Variants in ACBD6 observed in about 807,000 individuals in gnomAD.
The protein encoded by ACBD6 is acyl-CoA-binding domain-containing protein 6.
ACBD6 carries 28 observed loss-of-function variants against 37.2 expected under a neutral mutation model. The observed-to-expected ratio is 0.75, with a 90% CI of 0.56 to 1.03. The LOEUF (loss-of-function observed/expected upper bound fraction) is 1.03, where lower values mean the gene tolerates loss of function less well. Among genes scored for constraint, ACBD6 ranks in the 50% least tolerant of loss-of-function variants. The pLI is 0.00. For missense variants in ACBD6, 340 were observed against 337.4 expected, an observed-to-expected ratio of 1.01 and a Z score of -0.06; for synonymous variants, 113 against 126.8, an observed-to-expected ratio of 0.89 and a Z score of 0.73.
At chr1:180,442,994 C>T (rs531416795) in intron 3 of ACBD6, among the ~76,000 whole-genome samples, 1 of 111,862 alleles carries the variant, frequency 8.9e-6, no homozygotes, top group Non-Finnish European at 2.3e-5. Context: ...TTTTCCTGCC[C>T]CCACTTTTTT....
At chr1:180,445,395 GAGAT>G (rs1221657312) in intron 3 of ACBD6, among the ~76,000 whole-genome samples, 3 of 152,098 alleles carry the variant, frequency 2.0e-5, no homozygotes, top group African/African-American at 7.2e-5. Context: ...ATAAGAAAAA[GAGAT>G]AGAAAACTAA....
intron 4 of ACBD6, among the ~76,000 whole-genome samples, chr1:180,422,562 T>C (rs1320481848): frequency 6.6e-6 from 1 of 152,178 alleles, no homozygotes; most frequent in Non-Finnish European, 1.5e-5. Context: ...TACCCTGAAA[T>C]GGCAGACAAC....
At chr1:180,282,717 C>T (rs1219790397) in intron 8 of ACBD6, among the ~76,000 whole-genome samples, 2 of 152,102 alleles carry the variant, frequency 1.3e-5, no homozygotes, top group African/African-American at 2.4e-5. Flanking sequence ...TAAGAAACTA[C>T]ATTACTGGTG....
chr1:180,412,251 A>G (rs1416075005), intron 5 of ACBD6, among the ~76,000 whole-genome samples: 1 of 152,168 alleles, frequency 6.6e-6, no homozygotes, highest in East Asian at 1.9e-4. Context: ...TTACATTTTC[A>G]ATTCCAGACA....
intron 6 of ACBD6, among the ~76,000 whole-genome samples, chr1:180,355,345 G>A (rs1302209606): frequency 6.6e-6 from 1 of 152,138 alleles, no homozygotes; most frequent in Non-Finnish European, 1.5e-5. Flanking sequence ...TACGTATATG[G>A]AGGTTTTACA....
chr1:180,306,061 A>G (rs1650346947), intron 7 of ACBD6, among the ~76,000 whole-genome samples: 1 of 138,362 alleles, frequency 7.2e-6, no homozygotes, highest in Non-Finnish European at 1.5e-5. Context: ...GAACACGTGG[A>G]CACAGGAAGG....
At chr1:180,463,881 G>C (rs943703515) in intron 3 of ACBD6, among the ~76,000 whole-genome samples, 3 of 152,162 alleles carry the variant, frequency 2.0e-5, no homozygotes, top group Non-Finnish European at 4.4e-5. Flanking sequence ...CTTCATCCCT[G>C]GGATGCAAGG....
chr1:180,415,684 G>C (rs368671886), intron 4 of ACBD6, among the ~76,000 whole-genome samples: 25 of 152,308 alleles, frequency 1.6e-4, no homozygotes, highest in African/African-American at 6.0e-4. Context: ...TGTGGGTTAC[G>C]CATACCCAGT....
rs1651037174 is a variant in ACBD6 at position 180,481,373 on chromosome 1, A to G, written c.384+10896T>C. The stretch of plus-strand genomic sequence containing the variant: ...TTAAAACTGCAAGAATGATAAGGAG[A>G]GACACAGTTTTGAAAATCATCAACA... On this transcript the variant is annotated intron_variant, in intron 3 of 7. Coordinates refer to ENST00000367595, the MANE Select transcript of ACBD6 (RefSeq NM_032360.4). 2.6e-5 allele frequency among the ~76,000 whole-genome samples: 4 copies of G among 152,320 alleles called. No homozygotes were observed. The South Asian group carries it at 8.3e-4, about 32-fold the overall frequency.
At chr1:180,311,188 G>A (rs372698027) in intron 7 of ACBD6, among the ~76,000 whole-genome samples, 15 of 152,204 alleles carry the variant, frequency 9.9e-5, no homozygotes, top group African/African-American at 3.6e-4. Context: ...GGATTCCTAA[G>A]CCATGACACA....
At chr1:180,282,965 T>C (rs977274327) in intron 8 of ACBD6, among the ~76,000 whole-genome samples, 1 of 134,874 alleles carries the variant, frequency 7.4e-6, no homozygotes, top group African/African-American at 3.0e-5. Flanking sequence ...ATAATATATG[T>C]CTTTCTGTTT....
At chr1:180,447,862 T>C (rs1210556907) in intron 3 of ACBD6, among the ~76,000 whole-genome samples, 1 of 151,956 alleles carries the variant, frequency 6.6e-6, no homozygotes, top group Admixed American at 6.6e-5. Context: ...AAACAAATGG[T>C]TAATATTTCT....
intron 5 of ACBD6, among the ~76,000 whole-genome samples, chr1:180,407,949 T>TATATTATCATCATCCTTCACTC (rs1647691785): frequency 6.6e-6 from 1 of 152,220 alleles, no homozygotes; most frequent in African/African-American, 2.4e-5. Flanking sequence ...ATTGATTTGT[T>TATATTATCATCATCCTTCACTC]ATATTATCAT....
At chr1:180,380,100 A>G (rs995034183) in intron 6 of ACBD6, among the ~76,000 whole-genome samples, 16 of 152,120 alleles carry the variant, frequency 1.1e-4, no homozygotes, top group African/African-American at 3.9e-4. Context: ...ATTTCTACAA[A>G]AAATAAACAA....
At chr1:180,431,921 ACAGGC>A (rs1202995431) in intron 3 of ACBD6, among the ~76,000 whole-genome samples, 1 of 152,144 alleles carries the variant, frequency 6.6e-6, no homozygotes, top group East Asian at 1.9e-4. Context: ...ATAATCCATG[ACAGGC>A]CAGGTGCAAT....
At chr1:180,323,043 T>G (rs1477768878) in intron 6 of ACBD6, among the ~76,000 whole-genome samples, 1 of 151,904 alleles carries the variant, frequency 6.6e-6, no homozygotes, top group East Asian at 1.9e-4. Context: ...CTTACAGGTT[T>G]TGGTATATTT....
chr1:180,388,158 A>T (rs1232844014), intron 6 of ACBD6, among the ~76,000 whole-genome samples: 2 of 148,276 alleles, frequency 1.3e-5, no homozygotes, highest in East Asian at 4.0e-4. Context: ...CCTGGGTGAC[A>T]GAGCGAGACT....
intron 4 of ACBD6, among the ~76,000 whole-genome samples, chr1:180,422,167 C>A (rs1272990826): frequency 6.6e-6 from 1 of 151,970 alleles, no homozygotes; most frequent in Admixed American, 6.6e-5. Flanking sequence ...TTGTACTTGC[C>A]AGTGTAGCTG....
At chr1:180,431,352 T>C (rs1427832795) in intron 3 of ACBD6, among the ~76,000 whole-genome samples, 5 of 151,568 alleles carry the variant, frequency 3.3e-5, no homozygotes, top group East Asian at 2.0e-4. Context: ...TATAAAATCA[T>C]AGACGACAAC....
Sources: allele counts gnomAD v4.1 joint callset (sites outside exome capture counted in the v4.1 genomes callset), GRCh38; gene constraint gnomAD v4.1.1; transcripts MANE v1.5; gene names NCBI Gene and HGNC (gene_info 2026-07-23, HGNC 2026-07-21).